Variants in CREB5 observed in about 807,000 individuals in gnomAD.
The protein encoded by CREB5 is cyclic AMP-responsive element-binding protein 5.
CREB5 carries 19 observed loss-of-function variants against 57.1 expected under a neutral mutation model. That is an observed-to-expected ratio of 0.33 (90% CI 0.23 to 0.49). CREB5 has a LOEUF of 0.49. Ranked by LOEUF, CREB5 falls within the 20% of genes least tolerant of loss-of-function variation. CREB5 has a pLI of 0.99. For synonymous variants in CREB5, 238 were observed against 238.3 expected (o/e 1.00, Z 0.01); for missense variants, 579 against 671.6 (o/e 0.86, Z 1.52).
upstream of CREB5, chr7:28,410,016 TTTGCAAAC>T (rs1412030709): frequency 2.2e-6 from 1 of 450,846 alleles, no homozygotes; most frequent in South Asian, 1.6e-5. Flanking sequence ...CCGGAGAAAG[TTTGCAAAC>T]TTCCAGCGGG....
At chr7:28,650,368 T>C (rs763201007) in intron 5 of CREB5, among the ~76,000 whole-genome samples, 7 of 152,196 alleles carry the variant, frequency 4.6e-5, no homozygotes, top group Non-Finnish European at 8.8e-5. Flanking sequence ...GGTTTTGTTG[T>C]TGTTGTTGTT....
intron 5 of CREB5, among the ~76,000 whole-genome samples, chr7:28,620,597 A>T (rs1797757167): frequency 6.6e-6 from 1 of 152,188 alleles, no homozygotes; most frequent in South Asian, 2.1e-4. Context: ...TCGTGGAGAT[A>T]CTAGGAACTG....
At chr7:28,326,228 A>G (rs1785603193) in intron 1 of CREB5, among the ~76,000 whole-genome samples, 1 of 151,754 alleles carries the variant, frequency 6.6e-6, no homozygotes, top group Admixed American at 6.6e-5. Flanking sequence ...TATCTTGAAA[A>G]ACATGAGTTC....
chr7:28,531,098 G>A (rs1583585672), intron 4 of CREB5, among the ~76,000 whole-genome samples: 1 of 152,076 alleles, frequency 6.6e-6, no homozygotes, highest in South Asian at 2.1e-4. Flanking sequence ...ATGTTTTGGG[G>A]AAAGCCCCAT....
At chr7:28,669,350 C>T (rs1292220062) in intron 5 of CREB5, among the ~76,000 whole-genome samples, 1 of 152,162 alleles carries the variant, frequency 6.6e-6, no homozygotes, top group Non-Finnish European at 1.5e-5. Context: ...GTGTTTTGAG[C>T]AAGGGAATAA....
In CREB5 at chr7:28,821,010, T is replaced by G. The variant is rs1809733783; in HGVS notation, c.*1731T>G. On this transcript the variant is annotated 3_prime_UTR_variant, in exon 11 of 11. Transcript: ENST00000357727. ...AGTCGTGCCTCCTTGAAACAAGCCATTCTACTGTGCTAATGTTTTAATATC... is the reference window on the plus strand; with the variant it reads ...AGTCGTGCCTCCTTGAAACAAGCCAGTCTACTGTGCTAATGTTTTAATATC... 6.6e-6 allele frequency: 1 copy of G among 152,588 alleles called. No homozygotes were observed. The highest frequency in any genetic ancestry group is 1.5e-5 in the Non-Finnish European group (1 of 68,032). 9.5% of individuals were successfully genotyped at this position (152,588 alleles called of 1,614,324 possible). A position where few individuals can be genotyped will look rare whatever the true frequency, so the allele number is the denominator to read the frequency against.
chr7:28,375,601 AG>A (rs150362912), intron 1 of CREB5, among the ~76,000 whole-genome samples: 6,318 of 151,896 alleles, frequency 0.042, 433 homozygotes, highest in African/African-American at 0.14. Context: ...AAAAGAAAAA[AG>A]GAAAAAAAAA....
chr7:28,809,404 T>A lies in CREB5; in HGVS notation c.1244T>A (p.Met415Lys), dbSNP rs1224136509. 6.2e-7 allele frequency: 1 copy of A among 1,612,262 alleles called. No homozygotes were observed. The highest frequency in any genetic ancestry group is 8.5e-7 in the Non-Finnish European group (1 of 1,179,238). Residue 415 changes from methionine (M) to lysine (K), a missense_variant, in exon 9 of 11, where the codon ATG (methionine) becomes AAG (lysine). This residue lies in a region of CREB5 where 114 missense variants were observed against 130.8 expected (regional missense o/e 0.87). Transcript: ENST00000357727. The stretch of plus-strand genomic sequence containing the variant: ...GCAGAAGAACTCACCCAGACAAACA[T>A]GCAGCTTCAGGTGCAGCCCACGGTG... ...KKAEELTQTNMQLQNEVSMLK... is the reference protein window; with the variant it reads ...KKAEELTQTNKQLQNEVSMLK...
intron 3 of CREB5, among the ~76,000 whole-genome samples, chr7:28,497,161 C>T (rs1792091614): frequency 6.6e-6 from 1 of 152,206 alleles, no homozygotes; most frequent in Non-Finnish European, 1.5e-5. Flanking sequence ...ATTACTACTA[C>T]AGTGTAAGTA....
rs1216269304 is a variant in CREB5, at chr7:28,804,208, G to A, written c.712G>A (p.Ala238Thr). The change falls in exon 8 of 11, where the codon GCT becomes ACT. Residue 238 changes from alanine to threonine, a missense_variant. Around this residue, in one of 3 missense-constraint regions of CREB5, gnomAD observed 459 missense variants for 515.7 expected, o/e 0.89. Transcript: ENST00000357727. ...TTTTGTTCTGTTTCAGAGGTTGAAG[G>A]CTGCATTGACTCACCACCCTGCTGC... ...MHSEAKMRLK[A>T]ALTHHPAAMS... 2 of 1,612,488 alleles carry A rather than the reference G, an allele frequency of 1.2e-6. No individual in the cohort carries two copies. Among genetic ancestry groups the A allele is most frequent in the East Asian group, 4.5e-5 (2 of 44,828 alleles).
At chr7:28,373,919 A>G (rs887781910) in intron 1 of CREB5, among the ~76,000 whole-genome samples, 2 of 151,170 alleles carry the variant, frequency 1.3e-5, no homozygotes, top group Non-Finnish European at 2.9e-5. Context: ...ATATATATAT[A>G]TATATGTATA....
At chr7:28,446,480 A>G (rs1349746520) in intron 1 of CREB5, among the ~76,000 whole-genome samples, 1 of 152,104 alleles carries the variant, frequency 6.6e-6, no homozygotes, top group African/African-American at 2.4e-5. Flanking sequence ...GACATCTCTG[A>G]ATCCAATTCT....
At chr7:28,301,326 C>T (rs765782386) in intron 1 of CREB5, among the ~76,000 whole-genome samples, 5 of 152,142 alleles carry the variant, frequency 3.3e-5, no homozygotes, top group Non-Finnish European at 4.4e-5. Flanking sequence ...TTAGTGTTGA[C>T]CAAAACCCAT....
intron 7 of CREB5, among the ~76,000 whole-genome samples, chr7:28,742,574 A>AAT (rs899981642): frequency 1.3e-4 from 19 of 151,842 alleles, no homozygotes; most frequent in Non-Finnish European, 2.4e-4. Context: ...TCAAAAAAAA[A>AAT]GAAAAGAAAA....
chr7:28,518,619 C>T (rs555208469), intron 4 of CREB5, among the ~76,000 whole-genome samples: 1 of 152,176 alleles, frequency 6.6e-6, no homozygotes, highest in Non-Finnish European at 1.5e-5. Flanking sequence ...GGTGGGCATG[C>T]GAGTCCCACC....
intron 1 of CREB5, among the ~76,000 whole-genome samples, chr7:28,433,309 G>A (rs75454983): frequency 0.049 from 7,459 of 152,114 alleles, 530 homozygotes; most frequent in East Asian, 0.23. Context: ...AAGAGTATTG[G>A]GTATTGTAGT....
At chr7:28,700,244 A>C (rs1333494986) in intron 5 of CREB5, among the ~76,000 whole-genome samples, 1 of 152,124 alleles carries the variant, frequency 6.6e-6, no homozygotes, top group Admixed American at 6.6e-5. Flanking sequence ...GCACACACAC[A>C]CATGCATGCA....
intron 5 of CREB5, among the ~76,000 whole-genome samples, chr7:28,582,885 C>T (rs1275663912): frequency 6.6e-6 from 1 of 152,042 alleles, no homozygotes; most frequent in African/African-American, 2.4e-5. Context: ...TTGGGAAAAA[C>T]AAGATAACTG....
intron 1 of CREB5, among the ~76,000 whole-genome samples, chr7:28,327,163 A>AAAAAAAG (rs1562658346): frequency 6.7e-6 from 1 of 149,508 alleles, no homozygotes; most frequent in Non-Finnish European, 1.5e-5. Flanking sequence ...AAAAAAAAAA[A>AAAAAAAG]AAAAAGGAAA....
Sources: allele counts gnomAD v4.1 joint callset (sites outside exome capture counted in the v4.1 genomes callset), GRCh38; gene constraint gnomAD v4.1.1; regional missense constraint gnomAD v4.1.1; transcripts MANE v1.5; gene names NCBI Gene and HGNC (gene_info 2026-07-23, HGNC 2026-07-21).